CDS1: variants seen among roughly 807,000 people sequenced by gnomAD.
CDS1 encodes the protein CDP-diacylglycerol synthase 1, also known as phosphatidate cytidylyltransferase 1.
A neutral mutation model predicts 62.1 loss-of-function variants in CDS1; 41 were observed. The ratio of observed to expected loss-of-function variants is 0.66; its 90% CI spans 0.51 to 0.86. The LOEUF (loss-of-function observed/expected upper bound fraction) is 0.86, where lower values mean the gene tolerates loss of function less well. Ranked by LOEUF, CDS1 falls within the 40% of genes least tolerant of loss-of-function variation. CDS1 has a pLI of 0.00. For missense variants in CDS1, 470 were observed against 550.1 expected (o/e 0.85, Z 1.46); for synonymous variants, 185 against 192.6 (o/e 0.96, Z 0.32).
intron 8 of CDS1, among the ~76,000 whole-genome samples, chr4:84,636,800 C>T (rs1429997054): frequency 6.6e-6 from 1 of 152,144 alleles, no homozygotes; most frequent in Non-Finnish European, 1.5e-5. Context: ...GCTGGGATTA[C>T]AGGCGTGAGC....
intron 4 of CDS1, among the ~76,000 whole-genome samples, chr4:84,618,971 C>T (rs1421638217): frequency 2.0e-5 from 3 of 151,840 alleles, no homozygotes; most frequent in East Asian, 1.9e-4. Context: ...ATTATACATA[C>T]ATACAAAGTA....
chr4:84,605,125 T>C (rs569786281), intron 2 of CDS1, among the ~76,000 whole-genome samples: 1 of 152,346 alleles, frequency 6.6e-6, no homozygotes, highest in South Asian at 2.1e-4. Flanking sequence ...GATTAATGTA[T>C]GAAATGTTAC....
intron 4 of CDS1, 75 bp downstream of exon 4, chr4:84,617,736 C>A: frequency 3.0e-6 from 2 of 663,564 alleles, no homozygotes; most frequent in Non-Finnish European, 2.6e-6. Flanking sequence ...CTTGATCAGT[C>A]AGTATCCACT....
chr4:84,606,220 G>C (rs1311180308), intron 2 of CDS1, among the ~76,000 whole-genome samples: 1 of 151,020 alleles, frequency 6.6e-6, no homozygotes, highest in Non-Finnish European at 1.5e-5. Flanking sequence ...ATTACTTGCA[G>C]AAAAAAAAAT....
chr4:84,584,838 A>G (rs1340358904), intron 1 of CDS1, among the ~76,000 whole-genome samples: 5 of 152,230 alleles, frequency 3.3e-5, no homozygotes, highest in African/African-American at 1.2e-4. Context: ...AACAATTTCC[A>G]GCTACTGAAG....
chr4:84,619,044 T>TACACACACAC (rs33991933), intron 4 of CDS1, among the ~76,000 whole-genome samples: 2,528 of 140,906 alleles, frequency 0.018, 26 homozygotes, highest in Admixed American at 0.029. Context: ...ATTAAATTTA[T>TACACACACAC]ACACACACAC....
chr4:84,619,483 A>G lies in CDS1; in HGVS notation c.530A>G (p.Gln177Arg). ...TTTGTTCAAAGAGAAGAACAACTTC[A>G]GTTCCTCATTCGCTACCATAGATTT... is the stretch of plus-strand genomic sequence containing the variant. ...ATFVQREEQL[Q>R]FLIRYHRFIS... Residue 177 changes from glutamine to arginine, a missense_variant, in exon 5 of 13, where the codon CAG becomes CGG. Gln to Arg is a conservative substitution (Grantham distance 43). Coordinates refer to ENST00000295887, the MANE Select transcript of CDS1 (RefSeq NM_001263.4). 1.2e-6 allele frequency: 2 copies of G among 1,604,876 alleles called. No individual in the cohort carries two copies. Among genetic ancestry groups the G allele is most frequent in the Non-Finnish European group, 1.7e-6 (2 of 1,173,652 alleles).
intron 2 of CDS1, among the ~76,000 whole-genome samples, chr4:84,607,390 C>T (rs539935068): frequency 1.3e-5 from 2 of 151,572 alleles, no homozygotes; most frequent in South Asian, 4.2e-4. Flanking sequence ...CTCAAGTGTT[C>T]CTCCCACCTC....
At chr4:84,621,822 G>T (rs1372873554) in intron 5 of CDS1, among the ~76,000 whole-genome samples, 1 of 152,144 alleles carries the variant, frequency 6.6e-6, no homozygotes, top group African/African-American at 2.4e-5. Context: ...TACATTCCTA[G>T]AAATAGGTAT....
intron 12 of CDS1, 106 bp downstream of exon 12, chr4:84,645,431 A>G: frequency 1.5e-6 from 1 of 669,586 alleles, no homozygotes; most frequent in South Asian, 1.8e-5. Flanking sequence ...AATCTACAAT[A>G]TTAAAGTGAA....
chr4:84,583,660 G>T, intron 1 of CDS1, 142 bp downstream of exon 1: 3 of 560,066 alleles, frequency 5.4e-6, no homozygotes, highest in South Asian at 4.5e-5. Context: ...GCCTGGCACT[G>T]CTTCCTCCTT....
intron 1 of CDS1, among the ~76,000 whole-genome samples, chr4:84,598,255 T>A (rs1210268928): frequency 6.6e-6 from 1 of 152,052 alleles, no homozygotes; most frequent in East Asian, 1.9e-4. Context: ...AAAGGCTGCC[T>A]CCTTTCAGGT....
intron 4 of CDS1, 147 bp downstream of exon 4, chr4:84,617,808 A>G (rs1162283730): frequency 2.2e-6 from 1 of 454,914 alleles, no homozygotes; most frequent in Non-Finnish European, 3.8e-6. Flanking sequence ...TTGAATTTTG[A>G]AAAGATCACC....
At chr4:84,585,848 A>C (rs1347300119) in intron 1 of CDS1, among the ~76,000 whole-genome samples, 1 of 152,202 alleles carries the variant, frequency 6.6e-6, no homozygotes, top group Non-Finnish European at 1.5e-5. Flanking sequence ...GACAAGGGAC[A>C]TCTTCAAGGA....
At chr4:84,642,199 C>T (rs183270638) in intron 10 of CDS1, among the ~76,000 whole-genome samples, 2 of 152,154 alleles carry the variant, frequency 1.3e-5, no homozygotes, top group East Asian at 1.9e-4. Flanking sequence ...GTGGCATACA[C>T]CTGTAATTCC....
At chr4:84,629,406 T>C (rs1723953694) in intron 5 of CDS1, among the ~76,000 whole-genome samples, 1 of 151,584 alleles carries the variant, frequency 6.6e-6, no homozygotes, top group African/African-American at 2.4e-5. Flanking sequence ...ATTGAACATG[T>C]ATAGGCTTGT....
chr4:84,612,856 G>T (rs934463321), intron 3 of CDS1, among the ~76,000 whole-genome samples: 1 of 151,796 alleles, frequency 6.6e-6, no homozygotes, highest in African/African-American at 2.4e-5. Context: ...GGTGGTAGAG[G>T]CGTGTGCCTG....
Position 84,631,842 on chromosome 4 carries a change from T to G in CDS1, c.604T>G (p.Leu202Val), listed in dbSNP as rs778776040. ...AGGTTTCTGCATGTTTGTACTGAGT[T>G]TGGTGAAGAAACATTATCGTCTGCA... ...LAGFCMFVLS[L>V]VKKHYRLQFY... The change falls in exon 6 of 13, where the codon TTG (leucine) becomes GTG (valine). Residue 202 changes from leucine to valine, a missense_variant. This residue lies in a region of CDS1 where 214 missense variants were observed against 242.4 expected (regional missense o/e 0.88). Coordinates refer to ENST00000295887, the MANE Select transcript of CDS1 (RefSeq NM_001263.4). The G allele has an allele frequency of 4.3e-6, 7 of 1,612,694 alleles. No individual in the cohort carries two copies. Among genetic ancestry groups the G allele is most frequent in the Non-Finnish European group, 5.9e-6 (7 of 1,178,816 alleles).
intron 2 of CDS1, among the ~76,000 whole-genome samples, chr4:84,604,691 T>C (rs995610193): frequency 6.6e-6 from 1 of 152,238 alleles, no homozygotes; most frequent in Non-Finnish European, 1.5e-5. Flanking sequence ...TTGCTTTTTC[T>C]GGTATTAGAA....
Sources: allele counts gnomAD v4.1 joint callset (sites outside exome capture counted in the v4.1 genomes callset), GRCh38; gene constraint gnomAD v4.1.1; regional missense constraint gnomAD v4.1.1; transcripts MANE v1.5; gene names NCBI Gene and HGNC (gene_info 2026-07-23, HGNC 2026-07-21).